The following ZNF804B variants were observed in gnomAD, a reference collection of about 807,000 sequenced individuals.
ZNF804B encodes the protein zinc finger protein 804B, also known as zinc finger 804B.
In ZNF804B, 80 loss-of-function variants were observed where a neutral mutation model predicts 101.4. The observed-to-expected ratio is 0.79, with a 90% CI of 0.66 to 0.95. The LOEUF (loss-of-function observed/expected upper bound fraction) is 0.95, where lower values mean the gene tolerates loss of function less well. Ranked by LOEUF, ZNF804B falls within the 40% of genes least tolerant of loss-of-function variation. The pLI is 0.00. For missense variants in ZNF804B, 1,673 were observed against 1,561.9 expected, an observed-to-expected ratio of 1.07 and a Z score of -1.20; for synonymous variants, 622 against 558.8, an observed-to-expected ratio of 1.11 and a Z score of -1.59.
chr7:89,332,454 G>GA (rs1004319726), intron 3 of ZNF804B, among the ~76,000 whole-genome samples: 1 of 126,110 alleles, frequency 7.9e-6, no homozygotes. Context: ...TATGGAACAA[G>GA]AAAAAGAATG....
intron 1 of ZNF804B, among the ~76,000 whole-genome samples, chr7:89,072,944 AG>A (rs1789564956): frequency 6.6e-6 from 1 of 152,168 alleles, no homozygotes; most frequent in African/African-American, 2.4e-5. Flanking sequence ...AATGAGTTCA[AG>A]CCAGGGTATC....
intron 1 of ZNF804B, among the ~76,000 whole-genome samples, chr7:88,854,410 T>TCTTTCTTTCTTTCTTCCTTC (rs1562812538): frequency 4.5e-5 from 6 of 132,728 alleles, no homozygotes; most frequent in Admixed American, 7.5e-5. Flanking sequence ...TTTCTTTCTT[T>TCTTTCTTTCTTTCTTCCTTC]CTTCCTTTCT....
chr7:88,986,210 A>G (rs955329943), intron 1 of ZNF804B, among the ~76,000 whole-genome samples: 2 of 152,116 alleles, frequency 1.3e-5, no homozygotes, highest in South Asian at 2.1e-4. Flanking sequence ...TTGTTTTCCA[A>G]CATGATTTAC....
rs549155982 is a variant in ZNF804B, at chr7:89,153,665, GA to G, written c.109-64489del. ...CGATGAAAACTGGAATCAGACCTAG[GA>G]CCAGTTCTGTGGAAAAGTAGAATCA... On this transcript the variant is annotated intron_variant, in intron 1 of 3. Coordinates refer to ENST00000333190, the MANE Select transcript of ZNF804B (RefSeq NM_181646.5). 2.4e-4 allele frequency among the ~76,000 whole-genome samples: 36 copies of G among 152,108 alleles called. No individual in the cohort carries two copies. The East Asian group carries it at 6.8e-3, about 29-fold the overall frequency.
chr7:89,281,489 G>T (rs773157496), intron 2 of ZNF804B, among the ~76,000 whole-genome samples: 5 of 152,024 alleles, frequency 3.3e-5, no homozygotes, highest in Non-Finnish European at 7.4e-5. Flanking sequence ...CATAAAATTA[G>T]GAGTTTTTTA....
At chr7:89,048,622 G>C (rs567946621) in intron 1 of ZNF804B, among the ~76,000 whole-genome samples, 1 of 151,784 alleles carries the variant, frequency 6.6e-6, no homozygotes, top group Non-Finnish European at 1.5e-5. Flanking sequence ...CCTTAATTAG[G>C]TAATTTAATT....
At chr7:88,927,315 AAAC>A (rs1414749301) in intron 1 of ZNF804B, among the ~76,000 whole-genome samples, 1 of 152,202 alleles carries the variant, frequency 6.6e-6, no homozygotes, top group East Asian at 1.9e-4. Context: ...TTTCTGAAAA[AAAC>A]AGTCTCATTC....
rs1041921535 is a variant in ZNF804B at position 88,759,834 on chromosome 7, C to T, written c.-143C>T. On this transcript the variant is annotated 5_prime_UTR_variant, in exon 1 of 4. Transcript: ENST00000333190. ...CCGCACGGGGCGCGGAGCAGGGACG[C>T]GCTGCCACCGCCTCCCCCTGCGTCC... 6.1e-6 allele frequency: 4 copies of T among 659,908 alleles called. No individual in the cohort carries two copies. The highest frequency in any genetic ancestry group is 2.6e-5 in the Admixed American group (1 of 38,656). 40.9% of individuals were successfully genotyped at this position (659,908 alleles called of 1,614,324 possible).
chr7:89,140,495 A>G (rs1790701088), intron 1 of ZNF804B, among the ~76,000 whole-genome samples: 1 of 152,052 alleles, frequency 6.6e-6, no homozygotes, highest in Non-Finnish European at 1.5e-5. Flanking sequence ...TGTGTTGTTT[A>G]ATGTAGTCTA....
chr7:88,772,825 A>G (rs562785075), intron 1 of ZNF804B, among the ~76,000 whole-genome samples: 5 of 152,268 alleles, frequency 3.3e-5, no homozygotes, highest in African/African-American at 1.2e-4. Flanking sequence ...AAGCTATGAT[A>G]TCCTTTGTTC....
At chr7:89,169,752 TA>T (rs1474990456) in intron 1 of ZNF804B, among the ~76,000 whole-genome samples, 1 of 152,140 alleles carries the variant, frequency 6.6e-6, no homozygotes, top group East Asian at 1.9e-4. Flanking sequence ...TCAATTAACT[TA>T]TATAATTAGA....
intron 1 of ZNF804B, 36 bp downstream of exon 1, chr7:88,760,120 G>A (rs200638454): frequency 2.6e-6 from 4 of 1,543,330 alleles, no homozygotes; most frequent in South Asian, 1.1e-5. Context: ...ATACACAAAC[G>A]TTCCAACTCA....
chr7:89,032,356 C>A (rs1381946590), intron 1 of ZNF804B, among the ~76,000 whole-genome samples: 3 of 151,716 alleles, frequency 2.0e-5, no homozygotes, highest in African/African-American at 7.3e-5. Flanking sequence ...TAAATTCAGA[C>A]TCAATAAATA....
chr7:89,023,256 C>T (rs1312243224), intron 1 of ZNF804B, among the ~76,000 whole-genome samples: 1 of 152,108 alleles, frequency 6.6e-6, no homozygotes, highest in African/African-American at 2.4e-5. Context: ...GACTTTTTCA[C>T]CAGTGAACTC....
intron 1 of ZNF804B, among the ~76,000 whole-genome samples, chr7:88,928,944 A>G (rs1792845007): frequency 6.6e-6 from 1 of 152,072 alleles, no homozygotes; most frequent in Non-Finnish European, 1.5e-5. Flanking sequence ...TGGACAGTAT[A>G]TTCAATTGAG....
intron 1 of ZNF804B, among the ~76,000 whole-genome samples, chr7:89,156,795 G>A (rs2116414277): frequency 6.6e-6 from 1 of 152,244 alleles, no homozygotes; most frequent in Admixed American, 6.5e-5. Context: ...GATAATGACA[G>A]AATTGTGAAT....
At chr7:88,910,047 A>G (rs1251486621) in intron 1 of ZNF804B, among the ~76,000 whole-genome samples, 2 of 151,878 alleles carry the variant, frequency 1.3e-5, no homozygotes, top group African/African-American at 4.8e-5. Context: ...TTATCATGAG[A>G]TACATTATAA....
chr7:88,960,802 CT>C (rs1793377000), intron 1 of ZNF804B, among the ~76,000 whole-genome samples: 1 of 151,226 alleles, frequency 6.6e-6, no homozygotes, highest in Non-Finnish European at 1.5e-5. Context: ...CCTGAGTAGA[CT>C]TTTCATCTCC....
At chr7:89,258,887 A>G (rs1789672828) in intron 2 of ZNF804B, among the ~76,000 whole-genome samples, 1 of 152,180 alleles carries the variant, frequency 6.6e-6, no homozygotes, top group Non-Finnish European at 1.5e-5. Flanking sequence ...AGAAGGAAAT[A>G]GGATGAAATA....
Sources: allele counts gnomAD v4.1 joint callset (sites outside exome capture counted in the v4.1 genomes callset), GRCh38; gene constraint gnomAD v4.1.1; transcripts MANE v1.5; gene names NCBI Gene and HGNC (gene_info 2026-07-23, HGNC 2026-07-21).